Variants in CDH13 observed in about 807,000 individuals in gnomAD.
The protein encoded by CDH13 is cadherin-13.
A neutral mutation model predicts 63.8 loss-of-function variants in CDH13; 24 were observed. The ratio of observed to expected loss-of-function variants is 0.38; its 90% CI spans 0.27 to 0.53. The LOEUF is 0.53. CDH13 is among the 20% of genes least tolerant of loss of function. CDH13 has a pLI of 0.85. For synonymous variants in CDH13, 503 were observed against 355.3 expected, an observed-to-expected ratio of 1.42 and a Z score of -4.67; for missense variants, 1,049 against 903.1, an observed-to-expected ratio of 1.16 and a Z score of -2.07.
At chr16:82,664,729 G>C (rs953171822) in intron 1 of CDH13, among the ~76,000 whole-genome samples, 1 of 152,150 alleles carries the variant, frequency 6.6e-6, no homozygotes, top group African/African-American at 2.4e-5. Flanking sequence ...CACTTTACTG[G>C]TTTGGTATGT....
At chr16:83,056,349 A>G (rs2030931141) in intron 3 of CDH13, among the ~76,000 whole-genome samples, 1 of 152,194 alleles carries the variant, frequency 6.6e-6, no homozygotes, top group Admixed American at 6.6e-5. Context: ...CTCTTACAAG[A>G]AAGTCCAGAA....
intron 1 of CDH13, among the ~76,000 whole-genome samples, chr16:82,786,314 A>G (rs141318195): frequency 6.6e-6 from 1 of 152,144 alleles, no homozygotes; most frequent in African/African-American, 2.4e-5. Flanking sequence ...TAGATATTTC[A>G]GGATAATTTA....
At chr16:83,599,203 C>G (rs1907553392) in intron 7 of CDH13, among the ~76,000 whole-genome samples, 1 of 152,194 alleles carries the variant, frequency 6.6e-6, no homozygotes, top group South Asian at 2.1e-4. Flanking sequence ...AGTCCTGTAG[C>G]ACATCCCCAC....
intron 1 of CDH13, among the ~76,000 whole-genome samples, chr16:82,706,503 A>G (rs79687572): frequency 0.031 from 4,762 of 152,204 alleles, 118 homozygotes; most frequent in South Asian, 0.084. Flanking sequence ...TTTTTTCTGC[A>G]AAGTGCTGGT....
chr16:82,650,110 C>T (rs1048659414), intron 1 of CDH13, among the ~76,000 whole-genome samples: 2 of 152,182 alleles, frequency 1.3e-5, no homozygotes, highest in Non-Finnish European at 2.9e-5. Context: ...CATTGCTCTA[C>T]CTGCAAGTAG....
chr16:83,356,447 C>T (rs1173635922), intron 6 of CDH13, among the ~76,000 whole-genome samples: 1 of 152,058 alleles, frequency 6.6e-6, no homozygotes, highest in Non-Finnish European at 1.5e-5. Context: ...GCATGCTGAG[C>T]CATCCATCAG....
chr16:82,696,036 C>G (rs1433221446), intron 1 of CDH13, among the ~76,000 whole-genome samples: 1 of 152,182 alleles, frequency 6.6e-6, no homozygotes, highest in African/African-American at 2.4e-5. Flanking sequence ...TCTCCCAAGC[C>G]TGAAATTCGG....
intron 1 of CDH13, among the ~76,000 whole-genome samples, chr16:82,751,618 T>C (rs2034418892): frequency 6.6e-6 from 1 of 151,210 alleles, no homozygotes; most frequent in African/African-American, 2.4e-5. Flanking sequence ...TTATCCTTCA[T>C]ATATTCCATG....
intron 10 of CDH13, among the ~76,000 whole-genome samples, chr16:83,708,328 T>C (rs1907456778): frequency 6.6e-6 from 1 of 152,232 alleles, no homozygotes. Flanking sequence ...TTCATTTGCT[T>C]GGGTTCAACC....
intron 7 of CDH13, among the ~76,000 whole-genome samples, chr16:83,503,742 G>T (rs1462939562): frequency 1.3e-5 from 2 of 151,832 alleles, no homozygotes; most frequent in Admixed American, 6.6e-5. Context: ...GGGGTTGTTT[G>T]TTTTTTTTCT....
intron 8 of CDH13, among the ~76,000 whole-genome samples, chr16:83,647,451 T>C (rs1456315246): frequency 6.6e-6 from 1 of 152,208 alleles, no homozygotes; most frequent in Non-Finnish European, 1.5e-5. Context: ...TTGCTTGTGC[T>C]TCCATAGCAA....
intron 11 of CDH13, among the ~76,000 whole-genome samples, chr16:83,779,406 CAAAAAAAA>C (rs144757645): frequency 1.2e-5 from 1 of 82,552 alleles, no homozygotes; most frequent in East Asian, 4.3e-4. Flanking sequence ...GACTCCATCT[CAAAAAAAA>C]AAAAAAAAAA....
chr16:83,333,277 T>C (rs1297724555), intron 5 of CDH13, among the ~76,000 whole-genome samples: 4 of 152,036 alleles, frequency 2.6e-5, no homozygotes, highest in Non-Finnish European at 5.9e-5. Flanking sequence ...ATTACGGTAA[T>C]AGAAAAGCAA....
At chr16:83,202,367 GC>G (rs2039056561) in intron 4 of CDH13, among the ~76,000 whole-genome samples, 1 of 152,158 alleles carries the variant, frequency 6.6e-6, no homozygotes, top group African/African-American at 2.4e-5. Flanking sequence ...GCTATAAAGA[GC>G]CTTGCTTTCC....
At chr16:82,930,748 G>T (rs893624122) in intron 2 of CDH13, among the ~76,000 whole-genome samples, 3 of 152,136 alleles carry the variant, frequency 2.0e-5, no homozygotes, top group African/African-American at 7.2e-5. Flanking sequence ...AAGCATTGGT[G>T]ATGCCCAGAT....
chr16:83,291,177 T>C (rs1408263079), intron 5 of CDH13, among the ~76,000 whole-genome samples: 1 of 152,202 alleles, frequency 6.6e-6, no homozygotes, highest in Non-Finnish European at 1.5e-5. Flanking sequence ...TCTCAATTAA[T>C]GAATGGAAGA....
At chr16:82,940,006 GAAC>G (rs1233785601) in intron 2 of CDH13, among the ~76,000 whole-genome samples, 1 of 152,144 alleles carries the variant, frequency 6.6e-6, no homozygotes, top group Middle Eastern at 3.2e-3. Flanking sequence ...GAGAGAATGA[GAAC>G]CAAATGAAAG....
At chr16:82,678,696 C>T (rs570051981) in intron 1 of CDH13, among the ~76,000 whole-genome samples, 1 of 152,122 alleles carries the variant, frequency 6.6e-6, no homozygotes, top group Admixed American at 6.6e-5. Flanking sequence ...ATGGCTGGCC[C>T]TTGAAGAGTA....
chr16:83,173,675 G>T (rs1236263520), intron 4 of CDH13, among the ~76,000 whole-genome samples: 4 of 151,954 alleles, frequency 2.6e-5, no homozygotes, highest in African/African-American at 9.7e-5. Context: ...GCAAAATTTG[G>T]CAAACTATAT....
Sources: allele counts gnomAD v4.1 joint callset (sites outside exome capture counted in the v4.1 genomes callset), GRCh38; gene constraint gnomAD v4.1.1; transcripts MANE v1.5; gene names NCBI Gene and HGNC (gene_info 2026-07-23, HGNC 2026-07-21).